The following SLC44A1 variants were observed in gnomAD, a reference collection of about 807,000 sequenced individuals.
SLC44A1 encodes the protein solute carrier family 44 member 1, also known as choline transporter-like protein 1.
SLC44A1 carries 26 observed loss-of-function variants against 79.3 expected under a neutral mutation model. The ratio of observed to expected loss-of-function variants is 0.33; its 90% confidence interval spans 0.24 to 0.46. The LOEUF (loss-of-function observed/expected upper bound fraction) is 0.46, where lower values mean the gene tolerates loss of function less well. SLC44A1 is among the 20% of genes least tolerant of loss of function. SLC44A1 has a pLI of 1.00. For missense variants in SLC44A1, 688 were observed against 798.1 expected (o/e 0.86, Z 1.66); for synonymous variants, 263 against 286.2 (o/e 0.92, Z 0.82).
intron 2 of SLC44A1, among the ~76,000 whole-genome samples, chr9:105,300,935 C>G (rs970010789): frequency 6.6e-6 from 1 of 152,016 alleles, no homozygotes; most frequent in Non-Finnish European, 1.5e-5. Context: ...ACCACCACGC[C>G]CAGCTAATTT....
chr9:105,416,681 G>A (rs1829176044), intron 15 of SLC44A1, among the ~76,000 whole-genome samples: 1 of 152,216 alleles, frequency 6.6e-6, no homozygotes, highest in Non-Finnish European at 1.5e-5. Flanking sequence ...TTCTTATAAA[G>A]TGTGAGGCTG....
At position 105,244,725 on chromosome 9, in the gene SLC44A1, C is replaced by CCAGCCGCCGCTG. The variant is rs555397265; in HGVS notation, c.-133_-122dup. 8.2e-3 allele frequency: 2,882 copies of CCAGCCGCCGCTG among 351,354 alleles called. 20 individuals carry two copies. Among genetic ancestry groups the CCAGCCGCCGCTG allele is most frequent in the Admixed American group, 0.014 (261 of 19,108 alleles). The allele number at this position is 351,354 out of a possible 1,614,324, so 21.8% of individuals were successfully genotyped here. A position where few individuals can be genotyped will look rare whatever the true frequency, so the allele number is the denominator to read the frequency against. On this transcript the variant is annotated 5_prime_UTR_variant, in exon 1 of 16. Coordinates refer to ENST00000374720, the MANE Select transcript of SLC44A1 (RefSeq NM_080546.5). ...CTCTAGCCGCGCCGCCTCTTGAGTA[C>CCAGCCGCCGCTG]CAGCCGCCGCTGCAGCCGCCGCCGC...
At chr9:105,279,454 A>T (rs1056374481) in intron 1 of SLC44A1, among the ~76,000 whole-genome samples, 1 of 151,384 alleles carries the variant, frequency 6.6e-6, no homozygotes, top group Admixed American at 6.6e-5. Context: ...AGTAGCTGGG[A>T]CTACAGCTGC....
At chr9:105,345,726 T>A (rs2131376548) in intron 4 of SLC44A1, among the ~76,000 whole-genome samples, 1 of 152,178 alleles carries the variant, frequency 6.6e-6, no homozygotes, top group Admixed American at 6.5e-5. Flanking sequence ...TAGTTAAACA[T>A]TTTGGGGGCC....
chr9:105,369,692 C>T (rs957660113), intron 12 of SLC44A1, among the ~76,000 whole-genome samples: 9 of 152,038 alleles, frequency 5.9e-5, no homozygotes, highest in African/African-American at 1.7e-4. Flanking sequence ...TGTAGCTTGC[C>T]CCTATTAAGT....
intron 15 of SLC44A1, among the ~76,000 whole-genome samples, chr9:105,417,544 C>G (rs193053367): frequency 9.7e-4 from 147 of 152,308 alleles, no homozygotes; most frequent in African/African-American, 3.3e-3. Flanking sequence ...CTTAACTTCT[C>G]TTTCTTTACC....
At chr9:105,338,469 C>T (rs1826990478) in intron 4 of SLC44A1, among the ~76,000 whole-genome samples, 1 of 152,128 alleles carries the variant, frequency 6.6e-6, no homozygotes, top group Admixed American at 6.5e-5. Context: ...GGCTGTAGTA[C>T]AGTGGCACAA....
intron 3 of SLC44A1, among the ~76,000 whole-genome samples, chr9:105,332,428 A>G (rs1044014566): frequency 3.3e-5 from 5 of 152,080 alleles, no homozygotes; most frequent in African/African-American, 1.2e-4. Flanking sequence ...CCAGCTTAAT[A>G]TATTCTTAGA....
At position 105,391,785 on chromosome 9, in the gene SLC44A1, G is replaced by A. The variant is rs557003000; in HGVS notation, c.*2729G>A. The A allele has an allele frequency of 1.0e-5, 10 of 985,326 alleles. No individual in the cohort carries two copies. The Admixed American group carries it at 3.7e-4, about 36-fold the overall frequency. 61.0% of individuals were successfully genotyped at this position (985,326 alleles called of 1,614,324 possible). A position where few individuals can be genotyped will look rare whatever the true frequency, so the allele number is the denominator to read the frequency against. ...AGATGAAGAACAGAAATTTCTCTGT[G>A]AAATGTGGATACCCGAATAATTTCA... On this transcript the variant is annotated 3_prime_UTR_variant, in exon 16 of 16. Coordinates refer to ENST00000374720, the MANE Select transcript of SLC44A1 (RefSeq NM_080546.5).
rs774496686 is a variant in SLC44A1, at chr9:105,361,193, G to A, written c.763G>A (p.Gly255Ser). Residue 255 changes from glycine (G) to serine (S), a missense_variant and splice_region_variant, in exon 8 of 16, where the codon GGC becomes AGC. Physicochemically the swap from Gly to Ser is moderately conservative, Grantham distance 56. Transcript: ENST00000374720. ...TILVILGSLG[G>S]TGVLWWLYAK... Reference sequence around the variant, plus strand: ...ACAGTTGGGTCTTTTGTCTCCAGGAGGCACAGGTGTACTATGGTGGCTGTA... The same window carrying A: ...ACAGTTGGGTCTTTTGTCTCCAGGAAGCACAGGTGTACTATGGTGGCTGTA... 5 of 1,613,930 alleles carry A rather than the reference G, an allele frequency of 3.1e-6. No individual in the cohort carries two copies. In the South Asian group the frequency reaches 4.4e-5, roughly 14 times the overall value.
At chr9:105,338,541 A>G (rs1301677699) in intron 4 of SLC44A1, among the ~76,000 whole-genome samples, 2 of 152,198 alleles carry the variant, frequency 1.3e-5, no homozygotes, top group Non-Finnish European at 2.9e-5. Context: ...CAGCCTCCTG[A>G]GTAGCTGGGA....
intron 1 of SLC44A1, among the ~76,000 whole-genome samples, chr9:105,273,377 G>A (rs1337910077): frequency 6.6e-6 from 1 of 152,222 alleles, no homozygotes; most frequent in African/African-American, 2.4e-5. Flanking sequence ...TGAATTAGAA[G>A]GGGGTGGATG....
intron 7 of SLC44A1, among the ~76,000 whole-genome samples, chr9:105,359,839 T>C (rs1333782718): frequency 6.6e-6 from 1 of 152,240 alleles, no homozygotes; most frequent in African/African-American, 2.4e-5. Context: ...TGTTTCCTCC[T>C]CTTCAACAGA....
At chr9:105,414,374 C>A (rs761872280) in intron 15 of SLC44A1, among the ~76,000 whole-genome samples, 5 of 152,124 alleles carry the variant, frequency 3.3e-5, no homozygotes, top group Non-Finnish European at 7.4e-5. Flanking sequence ...TGTTTTTTAG[C>A]TGTAGTCTGC....
intron 15 of SLC44A1, among the ~76,000 whole-genome samples, chr9:105,423,293 G>A (rs1241924393): frequency 1.3e-5 from 2 of 152,060 alleles, no homozygotes; most frequent in Non-Finnish European, 2.9e-5. Flanking sequence ...GTGAAACCCT[G>A]TCTCTACTAA....
intron 1 of SLC44A1, among the ~76,000 whole-genome samples, chr9:105,267,716 C>T (rs950171632): frequency 6.6e-6 from 1 of 151,670 alleles, no homozygotes; most frequent in Admixed American, 6.6e-5. Context: ...TTATTTTTTC[C>T]TGTTTGTCAT....
intron 2 of SLC44A1, among the ~76,000 whole-genome samples, chr9:105,306,485 C>T (rs993675514): frequency 2.6e-5 from 4 of 151,808 alleles, no homozygotes; most frequent in East Asian, 1.9e-4. Context: ...ATGCTTGTAC[C>T]GTGTGAGAAG....
rs1394337988 is a variant in SLC44A1 at position 105,391,979 on chromosome 9, T to C, written c.*2923T>C. On this transcript the variant is annotated 3_prime_UTR_variant, in exon 16 of 16. Transcript: ENST00000374720. ...ATCAGATAATTAAGGCTCTGGTGCA[T>C]AATTTAGACTTTCTAAGCTCCTGCC... The C allele has an allele frequency of 2.0e-6, 2 of 985,276 alleles. No individual in the cohort carries two copies. Among genetic ancestry groups the C allele is most frequent in the Admixed American group, 6.2e-5 (1 of 16,256 alleles). 61.0% of individuals were successfully genotyped at this position (985,276 alleles called of 1,614,324 possible).
chr9:105,357,740 C>T (rs562621055), intron 6 of SLC44A1, among the ~76,000 whole-genome samples: 1 of 152,214 alleles, frequency 6.6e-6, no homozygotes, highest in African/African-American at 2.4e-5. Flanking sequence ...GACCCCTGAC[C>T]TCAGTTGAGA....
Sources: gnomAD v4.1 joint callset for allele counts (sites outside exome capture counted in the v4.1 genomes callset) on GRCh38, gnomAD v4.1.1 for gene constraint, MANE v1.5 for transcripts, NCBI Gene and HGNC (gene_info 2026-07-23, HGNC 2026-07-21) for gene names.